LBHD1: variants seen among roughly 807,000 people sequenced by gnomAD.
LBHD1 encodes LBH domain containing 1.
In LBHD1, 28 loss-of-function variants were observed where a neutral mutation model predicts 31.1. The ratio of observed to expected loss-of-function variants is 0.90; its 90% CI spans 0.67 to 1.24. The LOEUF is 1.24. Among genes scored for constraint, LBHD1 ranks in the 50% most tolerant of loss-of-function variants. The pLI, the probability that LBHD1 is intolerant of heterozygous loss-of-function variation, is 0.00. For synonymous variants in LBHD1, 105 were observed against 116.5 expected (o/e 0.90, Z 0.63); for missense variants, 350 against 323.0 (o/e 1.08, Z -0.64).
chr11:62,669,508 A>G, intron 3 of LBHD1, 133 bp downstream of exon 3: 1 of 1,503,488 alleles, frequency 6.7e-7, no homozygotes, highest in Non-Finnish European at 8.8e-7. Flanking sequence ...TTTCTCTCCC[A>G]CATCTTCACA....
rs1590847598 is a variant in LBHD1, at chr11:62,665,510, C to G, written c.539-537G>C. On this transcript the variant is annotated intron_variant, in intron 4 of 6. Coordinates refer to ENST00000354588, the MANE Select transcript of LBHD1 (RefSeq NM_024099.5). ...GAAAGGGCTCTGGCCCCCTCGGCGT[C>G]ATGTCTTCGGTGCTGGCGGCTTCCC... 4.5e-6 allele frequency: 7 copies of G among 1,572,870 alleles called. No individual in the cohort carries two copies. The East Asian group carries it at 1.6e-4, about 37-fold the overall frequency.
At position 62,669,875 on chromosome 11, in the gene LBHD1, T is replaced by C. The variant is rs560648609; in HGVS notation, c.150+7A>G. ...AGCTGCCAGACACAGGCTGAGGAAGTACTAACCTGAATGTGCTGGTGACCT... is the reference window on the plus strand; with the variant it reads ...AGCTGCCAGACACAGGCTGAGGAAGCACTAACCTGAATGTGCTGGTGACCT... On this transcript the variant is annotated splice_region_variant and intron_variant, in intron 2 of 6. Transcript: ENST00000354588. 4 of 1,614,172 alleles carry C rather than the reference T, an allele frequency of 2.5e-6. No homozygotes were observed. In the South Asian group the frequency reaches 4.4e-5, roughly 18 times the overall value.
At position 62,669,862 on chromosome 11, in the gene LBHD1, C is replaced by T; in HGVS notation, c.150+20G>A. 1.2e-6 allele frequency: 2 copies of T among 1,614,234 alleles called. No individual in the cohort carries two copies. Among genetic ancestry groups the T allele is most frequent in the Non-Finnish European group, 1.7e-6 (2 of 1,180,048 alleles). On this transcript the variant is annotated intron_variant, in intron 2 of 6. Transcript: ENST00000354588. ...TGGAGGGTAAGCCAGCTGCCAGACA[C>T]AGGCTGAGGAAGTACTAACCTGAAT... is the stretch of plus-strand genomic sequence containing the variant.
Position 62,672,134 on chromosome 11 carries a change from G to C in LBHD1, c.-581C>G. 6.4e-7 allele frequency: 1 copy of C among 1,554,458 alleles called. No individual in the cohort carries two copies. Among genetic ancestry groups the C allele is most frequent in the Non-Finnish European group, 8.7e-7 (1 of 1,151,480 alleles). On this transcript the variant is annotated 5_prime_UTR_variant, in exon 1 of 7. Transcript: ENST00000354588. ...CCGTGAGACCGGACTTGCCTCCGTG[G>C]GCGCCGGACCTTGGCTTGGGCGCAG...
chr11:62,667,878 C>A lies in LBHD1; in HGVS notation c.314-131G>T, dbSNP rs962016225. 26 of 658,494 alleles carry A rather than the reference C, an allele frequency of 3.9e-5. No individual in the cohort carries two copies. The Middle Eastern group carries it at 4.6e-3, about 117-fold the overall frequency. The allele number at this position is 658,494 out of a possible 1,614,324, so 40.8% of individuals were successfully genotyped here. On this transcript the variant is annotated intron_variant, in intron 3 of 6. Transcript: ENST00000354588. ...GGCCAAGGTGGGCAGATTGCTTGAG[C>A]CCTGGCAATAAAGTGACACCCCTAA...
At chr11:62,663,418 T>TTAAA in intron 5 of LBHD1, 85 bp from the exon 6 acceptor site, 2 of 1,415,592 alleles carry the variant, frequency 1.4e-6, no homozygotes, top group Non-Finnish European at 1.9e-6. Context: ...AGAAAAAGTA[T>TTAAA]TAAATAGGCT....
chr11:62,670,326 C>T, intron 1 of LBHD1: 1 of 401,990 alleles, frequency 2.5e-6, no homozygotes, highest in Non-Finnish European at 4.4e-6. Context: ...TTTCCTGACT[C>T]CTATGCTTAC....
Position 62,671,762 on chromosome 11 carries a change from A to C in LBHD1, c.-209T>G. ...CAGGCGGCCATGGATTCCTTGCGGA[A>C]AATGCTGATCTCAGTCGCAATGCTG... On this transcript the variant is annotated 5_prime_UTR_variant, in exon 1 of 7. Coordinates refer to ENST00000354588, the MANE Select transcript of LBHD1 (RefSeq NM_024099.5). 3.7e-6 allele frequency: 6 copies of C among 1,613,870 alleles called. No individual in the cohort carries two copies. Among genetic ancestry groups the C allele is most frequent in the Non-Finnish European group, 5.1e-6 (6 of 1,179,892 alleles).
At position 62,672,095 on chromosome 11, in the gene LBHD1, C is replaced by G; in HGVS notation, c.-542G>C. 6.3e-7 allele frequency: 1 copy of G among 1,591,584 alleles called. No homozygotes were observed. Among genetic ancestry groups the G allele is most frequent in the South Asian group, 1.1e-5 (1 of 88,558 alleles). On this transcript the variant is annotated 5_prime_UTR_variant, in exon 1 of 7. Coordinates refer to ENST00000354588, the MANE Select transcript of LBHD1 (RefSeq NM_024099.5). The stretch of plus-strand genomic sequence containing the variant: ...TGGATGGTTGGCGGCGAAGGCGGCG[C>G]CGGCGGGAGGTCACCGTGAGACCGG...
intron 3 of LBHD1, chr11:62,669,284 C>T (rs774535708): frequency 1.3e-5 from 7 of 548,270 alleles, no homozygotes; most frequent in South Asian, 8.1e-5. Flanking sequence ...CAAGACTGGC[C>T]GGCTTGGGAG....
Position 62,669,737 on chromosome 11 carries a change from C to T in LBHD1, c.217G>A (p.Gly73Arg). Residue 73 changes from glycine to arginine, a missense_variant, in exon 3 of 7, where the codon GGG becomes AGG. Gly to Arg is a moderately radical substitution (Grantham distance 125, BLOSUM62 -2). Coordinates refer to ENST00000354588, the MANE Select transcript of LBHD1 (RefSeq NM_024099.5). Reference sequence around the variant, plus strand: ...TCCTCATGGGGCAAATGGAGATCCCCACTCTCTTCATTCACCTCACTGGAT... The same window carrying T: ...TCCTCATGGGGCAAATGGAGATCCCTACTCTCTTCATTCACCTCACTGGAT... ...VESSEVNEES[G>R]DLHLPHEELL... The T allele has an allele frequency of 6.2e-7, 1 of 1,614,174 alleles. No homozygotes were observed. The highest frequency in any genetic ancestry group is 8.5e-7 in the Non-Finnish European group (1 of 1,180,026).
chr11:62,669,665 A>G lies in LBHD1; in HGVS notation c.289T>C (p.Phe97Leu), dbSNP rs1204997804. The stretch of plus-strand genomic sequence containing the variant: ...CCTGGCTCTTCACTTTGGTCTTGGA[A>G]GAAGGCCTCAGCATCCTCTTCCTCA... Reference protein sequence around the residue: ...DGEEEDAEAFFQDQSEEPGWA... With the variant: ...DGEEEDAEAFLQDQSEEPGWA... The change falls in exon 3 of 7, where the codon TTC (phenylalanine) becomes CTC (leucine). Residue 97 changes from phenylalanine to leucine, a missense_variant. Transcript: ENST00000354588. 2 of 1,613,868 alleles carry G rather than the reference A, an allele frequency of 1.2e-6. No individual in the cohort carries two copies. Among genetic ancestry groups the G allele is most frequent in the South Asian group, 1.1e-5 (1 of 91,070 alleles).
intron 4 of LBHD1, chr11:62,665,919 A>G: frequency 6.2e-7 from 1 of 1,612,962 alleles, no homozygotes; most frequent in Non-Finnish European, 8.5e-7. Flanking sequence ...GCCGAGCCTG[A>G]TGATGGGGAC....
rs1392288663 is a variant in LBHD1, at chr11:62,663,263, C to A, written c.734G>T (p.Cys245Phe). ...TCCATGGCTGTCTTCTCTTTCTGGG[C>A]AAGCCGGATCTGCTGGAGGAGTTTT... ...AQKTPPADPA[C>F]PEREDSHGSG... Residue 245 changes from cysteine (C) to phenylalanine (F), a missense_variant, in exon 6 of 7, where the codon TGC becomes TTC. Physicochemically the swap from Cys to Phe is radical, Grantham distance 205. Transcript: ENST00000354588. 2 of 1,614,086 alleles carry A rather than the reference C, an allele frequency of 1.2e-6. No homozygotes were observed.
At chr11:62,665,697 G>A (rs1944788104) in intron 4 of LBHD1, 3 of 1,459,952 alleles carry the variant, frequency 2.1e-6, no homozygotes, top group East Asian at 5.0e-5. Context: ...GCCAATAAAG[G>A]CCGTTCCTAC....
intron 4 of LBHD1, chr11:62,665,724 GTTC>G: frequency 6.8e-7 from 1 of 1,463,662 alleles, no homozygotes; most frequent in Non-Finnish European, 9.0e-7. Flanking sequence ...CTGTGTCCGC[GTTC>G]TTTTTTCCGG....
At chr11:62,665,205 C>A in intron 4 of LBHD1, 1 of 792,524 alleles carries the variant, frequency 1.3e-6, no homozygotes, top group Non-Finnish European at 2.1e-6. Flanking sequence ...GTCCGTACTT[C>A]CGCTCAGCGC....
At chr11:62,667,801 C>T in intron 3 of LBHD1, 54 bp from the exon 4 acceptor site, 1 of 1,281,266 alleles carries the variant, frequency 7.8e-7, no homozygotes, top group African/African-American at 1.5e-5. Context: ...TATCAAATTA[C>T]AAAACTAGGC....
In LBHD1 at chr11:62,666,240, G is replaced by A. The variant is rs576735028; in HGVS notation, c.539-1267C>T. 6 of 818,354 alleles carry A rather than the reference G, an allele frequency of 7.3e-6. No individual in the cohort carries two copies. In the Admixed American group the frequency reaches 1.1e-4, roughly 15 times the overall value. The allele number at this position is 818,354 out of a possible 1,614,324, so 50.7% of individuals were successfully genotyped here. A position where few individuals can be genotyped will look rare whatever the true frequency, so the allele number is the denominator to read the frequency against. Reference sequence around the variant, plus strand: ...AGTCCTAGCTACTCAGGAGGCTGAGGTGGAGGCTTCAGTGAGCCATCATTG... The same window carrying A: ...AGTCCTAGCTACTCAGGAGGCTGAGATGGAGGCTTCAGTGAGCCATCATTG... On this transcript the variant is annotated intron_variant, in intron 4 of 6. Transcript: ENST00000354588.
Sources: allele counts gnomAD v4.1 joint callset, GRCh38; gene constraint gnomAD v4.1.1; transcripts MANE v1.5; gene names NCBI Gene and HGNC (gene_info 2026-07-23, HGNC 2026-07-21).